The following DCDC1 variants were observed in gnomAD, a reference collection of about 807,000 sequenced individuals.
DCDC1 encodes the protein doublecortin domain-containing protein 1.
Under a neutral mutation model 178.3 loss-of-function variants are expected in DCDC1, and 200 were observed. The observed-to-expected ratio is 1.12, with a 90% CI of 1.00 to 1.26. DCDC1 has a LOEUF of 1.26. Among genes scored for constraint, DCDC1 ranks in the 50% most tolerant of loss-of-function variants. The pLI, the probability that DCDC1 is intolerant of heterozygous loss-of-function variation, is 0.00. For synonymous variants in DCDC1, 690 were observed against 604.8 expected, an observed-to-expected ratio of 1.14 and a Z score of -2.07; for missense variants, 1,983 against 1,749.2, an observed-to-expected ratio of 1.13 and a Z score of -2.38.
chr11:30,934,297 T>C (rs541893282), intron 21 of DCDC1, among the ~76,000 whole-genome samples: 12 of 152,304 alleles, frequency 7.9e-5, no homozygotes, highest in Non-Finnish European at 1.3e-4. Flanking sequence ...CTGGTTTTGG[T>C]GGCCATGTGT....
intron 21 of DCDC1, 42 bp downstream of exon 21, chr11:30,952,403 A>C (rs1391172690): frequency 1.3e-6 from 2 of 1,489,894 alleles, no homozygotes; most frequent in African/African-American, 2.8e-5. Context: ...CTGGGCCTTA[A>C]AGTAAGTCTC....
At chr11:31,277,893 C>T (rs1946108191) in intron 7 of DCDC1, among the ~76,000 whole-genome samples, 1 of 152,018 alleles carries the variant, frequency 6.6e-6, no homozygotes. Context: ...GCTGTATTTA[C>T]AAGAGCAAAA....
chr11:31,068,194 A>G (rs1202730445), intron 18 of DCDC1, among the ~76,000 whole-genome samples: 1 of 152,192 alleles, frequency 6.6e-6, no homozygotes, highest in Non-Finnish European at 1.5e-5. Context: ...GAATTAATCA[A>G]TGAGTGTATT....
chr11:31,274,967 G>A (rs1234793429), intron 7 of DCDC1, among the ~76,000 whole-genome samples: 1 of 152,034 alleles, frequency 6.6e-6, no homozygotes, highest in Admixed American at 6.6e-5. Flanking sequence ...CCAAAGTGCT[G>A]GGATTACAGG....
chr11:31,091,887 G>C (rs527310438), intron 16 of DCDC1, among the ~76,000 whole-genome samples: 1 of 152,242 alleles, frequency 6.6e-6, no homozygotes, highest in African/African-American at 2.4e-5. Flanking sequence ...GCAGTGAACT[G>C]AAAAGACTGA....
intron 10 of DCDC1, among the ~76,000 whole-genome samples, chr11:31,130,805 A>G (rs1962332065): frequency 6.6e-6 from 1 of 152,186 alleles, no homozygotes. Context: ...AAAACTTTGG[A>G]TATCATGGGA....
chr11:31,160,734 G>C (rs887932840), intron 9 of DCDC1, among the ~76,000 whole-genome samples: 1 of 151,988 alleles, frequency 6.6e-6, no homozygotes, highest in African/African-American at 2.4e-5. Context: ...GTTTAATGAA[G>C]GGCATTTCTT....
intron 1 of DCDC1, among the ~76,000 whole-genome samples, chr11:31,351,305 T>C (rs1951061343): frequency 6.6e-6 from 1 of 152,146 alleles, no homozygotes; most frequent in South Asian, 2.1e-4. Flanking sequence ...TATTTATTTC[T>C]TTGAAAAGGT....
At position 31,238,367 on chromosome 11, in the gene DCDC1, T is replaced by C. The variant is rs149275030; in HGVS notation, c.1221+3083A>G. On this transcript the variant is annotated intron_variant, in intron 9 of 38. Transcript: ENST00000684477. The stretch of plus-strand genomic sequence containing the variant: ...TAAAAGCTCTATGTGGGATGATAAA[T>C]AAAGAACATCATGTTTAAAAATCAC... Among the ~76,000 whole-genome samples, 283 of 152,168 alleles carry C rather than the reference T, an allele frequency of 1.9e-3. 1 individual carries two copies. Among genetic ancestry groups the C allele is most frequent in the Non-Finnish European group, 1.7e-3 (115 of 68,002 alleles).
chr11:31,068,274 G>A (rs186973035), intron 18 of DCDC1, among the ~76,000 whole-genome samples: 3 of 152,186 alleles, frequency 2.0e-5, no homozygotes, highest in African/African-American at 7.2e-5. Context: ...GGCACATGCT[G>A]TTATTTTGAT....
intron 2 of DCDC1, among the ~76,000 whole-genome samples, chr11:31,328,919 C>T (rs920713245): frequency 7.6e-6 from 1 of 131,306 alleles, no homozygotes; most frequent in Non-Finnish European, 1.6e-5. Flanking sequence ...ATGTGAAATA[C>T]GTTACTGAAA....
chr11:31,005,969 A>C (rs931258781), intron 20 of DCDC1, among the ~76,000 whole-genome samples: 4 of 150,972 alleles, frequency 2.6e-5, no homozygotes, highest in East Asian at 3.9e-4. Context: ...AAAAAAAAAA[A>C]AAAAAAAAAC....
chr11:30,972,824 C>T (rs1949881115), intron 20 of DCDC1, among the ~76,000 whole-genome samples: 1 of 152,118 alleles, frequency 6.6e-6, no homozygotes, highest in African/African-American at 2.4e-5. Flanking sequence ...TCTGTGTCCC[C>T]ACCCAAATCT....
intron 20 of DCDC1, among the ~76,000 whole-genome samples, chr11:30,962,153 C>T (rs150376014): frequency 1.3e-5 from 2 of 151,892 alleles, no homozygotes; most frequent in Non-Finnish European, 2.9e-5. Context: ...CTAATAGAAA[C>T]AAGACACTAA....
At chr11:31,188,411 A>G (rs1449282148) in intron 9 of DCDC1, among the ~76,000 whole-genome samples, 1 of 152,218 alleles carries the variant, frequency 6.6e-6, no homozygotes, top group African/African-American at 2.4e-5. Flanking sequence ...TAGAGATGCC[A>G]CAGATAACAA....
In DCDC1 at chr11:31,014,409, A is replaced by G. The variant is rs149984802; in HGVS notation, c.2591+50060T>C. ...CCACAGTCACATGAATAAACTTGGAAGTGGATTCTCCAGCCCCACTCAAGC... is the reference window on the plus strand; with the variant it reads ...CCACAGTCACATGAATAAACTTGGAGGTGGATTCTCCAGCCCCACTCAAGC... On this transcript the variant is annotated intron_variant, in intron 20 of 38. Coordinates refer to ENST00000684477, the MANE Select transcript of DCDC1 (RefSeq NM_001387274.1). Among the ~76,000 whole-genome samples the G allele has an allele frequency of 4.0e-3, 603 of 152,224 alleles. 1 individual carries two copies. Among genetic ancestry groups the G allele is most frequent in the African/African-American group, 0.014 (581 of 41,550 alleles).
intron 9 of DCDC1, among the ~76,000 whole-genome samples, chr11:31,166,510 A>G (rs1966801306): frequency 6.6e-6 from 1 of 152,228 alleles, no homozygotes; most frequent in Non-Finnish European, 1.5e-5. Context: ...AAAGCATGAC[A>G]AAAGAATCAA....
At chr11:31,359,463 T>G (rs569900209) in intron 1 of DCDC1, among the ~76,000 whole-genome samples, 15 of 149,854 alleles carry the variant, frequency 1.0e-4, no homozygotes, top group South Asian at 2.2e-4. Context: ...AGGGATAGCA[T>G]TGGGAGATAT....
chr11:31,272,885 C>A (rs1248749315), intron 7 of DCDC1, among the ~76,000 whole-genome samples: 1 of 152,198 alleles, frequency 6.6e-6, no homozygotes, highest in East Asian at 1.9e-4. Context: ...TCTTACAGGT[C>A]CACTAGGCAG....
Sources: allele counts gnomAD v4.1 joint callset (sites outside exome capture counted in the v4.1 genomes callset), GRCh38; gene constraint gnomAD v4.1.1; transcripts MANE v1.5; gene names NCBI Gene and HGNC (gene_info 2026-07-23, HGNC 2026-07-21).